The following URB1 variants were observed in gnomAD, a reference collection of about 807,000 sequenced individuals.
The protein encoded by URB1 is nucleolar pre-ribosomal-associated protein 1.
In URB1, 197 loss-of-function variants were observed where a neutral mutation model predicts 242.3. That is an observed-to-expected ratio of 0.81 (90% CI 0.72 to 0.91). The LOEUF (loss-of-function observed/expected upper bound fraction) is 0.91. URB1 is among the 40% of genes least tolerant of loss of function. The pLI, the probability that URB1 is intolerant of heterozygous loss-of-function variation, is 0.00. For synonymous variants in URB1, 1,153 were observed against 1,201.8 expected, an observed-to-expected ratio of 0.96 and a Z score of 0.84; for missense variants, 2,721 against 2,860.5, an observed-to-expected ratio of 0.95 and a Z score of 1.11.
At chr21:32,366,833 G>A (rs2033352529) in intron 9 of URB1, 78 bp from the exon 10 acceptor site, 1 of 1,449,024 alleles carries the variant, frequency 6.9e-7, no homozygotes, top group Non-Finnish European at 9.3e-7. Flanking sequence ...GCACCCAAAG[G>A]TGAAGCCATT....
chr21:32,348,281 G>A (rs1029470803), intron 21 of URB1, among the ~76,000 whole-genome samples: 2 of 152,182 alleles, frequency 1.3e-5, no homozygotes, highest in African/African-American at 4.8e-5. Flanking sequence ...AGGGACAGGG[G>A]TGTCTACTTA....
rs758650665 is a variant in URB1, at chr21:32,373,786, AAAAC to A, written c.751-18_751-15del. ...ATTGTGAACTACCTGAAACAATAAT[AAAAC>A]AAATTATTAAAAAACAAATTATGAA... On this transcript the variant is annotated splice_polypyrimidine_tract_variant and intron_variant, in intron 6 of 38. Coordinates refer to ENST00000382751, the MANE Select transcript of URB1 (RefSeq NM_014825.3). The A allele has an allele frequency of 1.3e-5, 20 of 1,499,732 alleles. No individual in the cohort carries two copies. The highest frequency in any genetic ancestry group is 3.5e-6 in the Non-Finnish European group (4 of 1,129,534). The allele number at this position is 1,499,732 out of a possible 1,614,324, so 92.9% of individuals were successfully genotyped here.
At chr21:32,326,657 T>C (rs1423256593) in intron 30 of URB1, among the ~76,000 whole-genome samples, 1 of 152,144 alleles carries the variant, frequency 6.6e-6, no homozygotes, top group Non-Finnish European at 1.5e-5. Context: ...AAGAGCTGGT[T>C]GTTTAGAAGC....
At chr21:32,343,651 C>A (rs920807392) in intron 24 of URB1, among the ~76,000 whole-genome samples, 1 of 152,062 alleles carries the variant, frequency 6.6e-6, no homozygotes, top group African/African-American at 2.4e-5. Flanking sequence ...TGTAAACTTA[C>A]CTCAATTAAA....
chr21:32,331,652 T>C (rs1271983065), intron 30 of URB1, among the ~76,000 whole-genome samples: 1 of 152,144 alleles, frequency 6.6e-6, no homozygotes, highest in Non-Finnish European at 1.5e-5. Flanking sequence ...AAAAGCCTGT[T>C]CTCTCTAACA....
At chr21:32,353,446 C>T (rs1366709632) in intron 18 of URB1, among the ~76,000 whole-genome samples, 1 of 152,168 alleles carries the variant, frequency 6.6e-6, no homozygotes, top group Non-Finnish European at 1.5e-5. Flanking sequence ...CTGTATTGGA[C>T]CACAGCATGG....
At chr21:32,326,710 G>A (rs1214561528) in intron 30 of URB1, among the ~76,000 whole-genome samples, 4 of 152,184 alleles carry the variant, frequency 2.6e-5, no homozygotes, top group South Asian at 2.1e-4. Flanking sequence ...CATGTAAGAT[G>A]TGCCTGCTTT....
At chr21:32,361,866 G>A (rs1278701601) in intron 12 of URB1, 26 bp downstream of exon 12, 7 of 1,548,650 alleles carry the variant, frequency 4.5e-6, no homozygotes, top group Non-Finnish European at 6.1e-6. Flanking sequence ...AAAGGCAGAG[G>A]GTCCCCCTCA....
In URB1 at chr21:32,355,581, C is replaced by T. The variant is rs758592610; in HGVS notation, c.1990-16G>A. The T allele has an allele frequency of 3.2e-6, 5 of 1,545,212 alleles. No homozygotes were observed. In the South Asian group the frequency reaches 6.0e-5, roughly 18 times the overall value. ...CCCGCAGAATCTGCCAGGAAGTAGG[C>T]ACCGGTGAAAAAGTCAGAACAGAAC... On this transcript the variant is annotated splice_polypyrimidine_tract_variant and intron_variant, in intron 15 of 38. Transcript: ENST00000382751.
chr21:32,354,429 T>C (rs2033195290), intron 17 of URB1, among the ~76,000 whole-genome samples: 1 of 152,208 alleles, frequency 6.6e-6, no homozygotes, highest in Non-Finnish European at 1.5e-5. Flanking sequence ...GTGTGAGGGT[T>C]AAAGCACAGG....
rs766920027 is a variant in URB1 at position 32,334,308 on chromosome 21, A to G, written c.4712T>C (p.Val1571Ala). ...GCTCCGGCACGTCTTGTGATGCTCC[A>G]CGGCCGCTGGGCCCCACAGCAGCAC... ...FRVLLWGPAA[V>A]EHHKTCRSLG... Residue 1571 changes from valine (V) to alanine (A), a missense_variant, in exon 29 of 39, where the codon GTG (valine) becomes GCG (alanine). Coordinates refer to ENST00000382751, the MANE Select transcript of URB1 (RefSeq NM_014825.3). 6.4e-7 allele frequency: 1 copy of G among 1,550,492 alleles called. No homozygotes were observed. The highest frequency in any genetic ancestry group is 1.4e-5 in the African/African-American group (1 of 73,006).
chr21:32,356,818 G>A (rs1160513825), intron 15 of URB1, among the ~76,000 whole-genome samples: 1 of 152,212 alleles, frequency 6.6e-6, no homozygotes, highest in Non-Finnish European at 1.5e-5. Flanking sequence ...TCACCTATTT[G>A]CAGTCAGTGA....
intron 4 of URB1, among the ~76,000 whole-genome samples, chr21:32,380,926 C>T (rs946469846): frequency 1.3e-5 from 2 of 152,190 alleles, no homozygotes; most frequent in Non-Finnish European, 2.9e-5. Context: ...AACTAGACCT[C>T]CTGTGGGTCC....
intron 13 of URB1, among the ~76,000 whole-genome samples, chr21:32,360,257 C>A (rs539767261): frequency 3.9e-5 from 6 of 152,308 alleles, no homozygotes; most frequent in Admixed American, 3.9e-4. Flanking sequence ...CCCCAGACAG[C>A]AAGCATTTTG....
intron 5 of URB1, among the ~76,000 whole-genome samples, chr21:32,377,803 G>A (rs761906243): frequency 2.0e-5 from 3 of 152,102 alleles, no homozygotes; most frequent in Non-Finnish European, 4.4e-5. Context: ...CCAGAGTTCC[G>A]GCCAGGACAT....
rs1195086857 is a variant in URB1, at chr21:32,350,737, G to C, written c.2799C>G (p.Leu933=). 1.9e-5 allele frequency: 29 copies of C among 1,551,544 alleles called. No individual in the cohort carries two copies. The highest frequency in any genetic ancestry group is 3.6e-5 in the South Asian group (3 of 84,046). ...AGTTCTCCACAGTGCTCCGCAGGTA[G>C]AGCAACACCTGCTTGGCCGCGAGCA... ...QVLLAAKQVL[L]YLRSTVENFG... is the part of the protein sequence containing the mutation. Residue 933 remains leucine, a synonymous_variant, in exon 20 of 39, where the codon CTC becomes CTG. Transcript: ENST00000382751.
intron 1 of URB1, among the ~76,000 whole-genome samples, chr21:32,390,870 T>C (rs539344614): frequency 5.3e-5 from 8 of 152,200 alleles, no homozygotes; most frequent in Admixed American, 1.3e-4. Flanking sequence ...TTACTGGGTA[T>C]ATACCCAAAG....
intron 11 of URB1, among the ~76,000 whole-genome samples, chr21:32,362,566 T>G (rs1390302036): frequency 6.6e-6 from 1 of 152,170 alleles, no homozygotes; most frequent in African/African-American, 2.4e-5. Context: ...AACAGGCAAG[T>G]GCTGATCATT....
chr21:32,370,928 AG>A (rs2033399735), intron 8 of URB1, among the ~76,000 whole-genome samples: 1 of 152,224 alleles, frequency 6.6e-6, no homozygotes, highest in Non-Finnish European at 1.5e-5. Context: ...GCACTGTCCT[AG>A]GGACTGGAGG....
Sources: allele counts gnomAD v4.1 joint callset (sites outside exome capture counted in the v4.1 genomes callset), GRCh38; gene constraint gnomAD v4.1.1; transcripts MANE v1.5; gene names NCBI Gene and HGNC (gene_info 2026-07-23, HGNC 2026-07-21).